DSCAM: variants seen among roughly 807,000 people sequenced by gnomAD.
DSCAM encodes DS cell adhesion molecule.
Under a neutral mutation model 217.7 loss-of-function variants are expected in DSCAM, and 47 were observed. That is an observed-to-expected ratio of 0.22 (90% CI 0.17 to 0.28). The LOEUF is 0.28. Ranked by LOEUF, DSCAM falls within the 10% of genes least tolerant of loss-of-function variation. The probability of loss-of-function intolerance (pLI) is 1.00; values close to 1 mark genes in which losing one functional copy is unlikely to be tolerated. For missense variants in DSCAM, 2,080 were observed against 2,618.3 expected, an observed-to-expected ratio of 0.79 and a Z score of 4.49; for synonymous variants, 1,056 against 1,015.3, an observed-to-expected ratio of 1.04 and a Z score of -0.76.
At chr21:40,584,472 T>C (rs1256984944) in intron 3 of DSCAM, among the ~76,000 whole-genome samples, 1 of 152,108 alleles carries the variant, frequency 6.6e-6, no homozygotes, top group South Asian at 2.1e-4. Flanking sequence ...AGAAAAAGCA[T>C]AGAAATCAGG....
At chr21:40,758,451 A>C (rs909160952) in intron 1 of DSCAM, among the ~76,000 whole-genome samples, 1 of 141,684 alleles carries the variant, frequency 7.1e-6, no homozygotes, top group Non-Finnish European at 1.5e-5. Context: ...CGGGAGACGG[A>C]GCTTGCAGTG....
intron 8 of DSCAM, among the ~76,000 whole-genome samples, chr21:40,330,852 A>G (rs576936051): frequency 6.6e-6 from 1 of 152,362 alleles, no homozygotes; most frequent in African/African-American, 2.4e-5. Flanking sequence ...TAAATAATAA[A>G]TTAACATAAA....
At chr21:40,234,641 C>G (rs1261716331) in intron 11 of DSCAM, among the ~76,000 whole-genome samples, 2 of 152,154 alleles carry the variant, frequency 1.3e-5, no homozygotes, top group African/African-American at 4.8e-5. Context: ...CTATGATGTT[C>G]TTGATCCAGT....
intron 3 of DSCAM, among the ~76,000 whole-genome samples, chr21:40,655,460 T>TTTTTG (rs3988414): frequency 6.7e-6 from 1 of 150,160 alleles, no homozygotes; most frequent in Non-Finnish European, 1.5e-5. Flanking sequence ...TTTTTTTTTT[T>TTTTTG]GAGACAGGGT....
chr21:40,175,148 T>C (rs1284446787), intron 15 of DSCAM, among the ~76,000 whole-genome samples: 3 of 152,188 alleles, frequency 2.0e-5, no homozygotes, highest in Non-Finnish European at 2.9e-5. Context: ...CTCACTCTGT[T>C]GCCCAGGCTG....
At chr21:40,836,480 C>G (rs967134535) in intron 1 of DSCAM, among the ~76,000 whole-genome samples, 1 of 152,120 alleles carries the variant, frequency 6.6e-6, no homozygotes, top group Non-Finnish European at 1.5e-5. Context: ...GTTACTAAAC[C>G]CCAGCACCAA....
chr21:40,795,993 T>C (rs1468436213), intron 1 of DSCAM, among the ~76,000 whole-genome samples: 1 of 152,248 alleles, frequency 6.6e-6, no homozygotes, highest in African/African-American at 2.4e-5. Flanking sequence ...CAGGCATTTA[T>C]TGAGCTTCTC....
intron 14 of DSCAM, among the ~76,000 whole-genome samples, chr21:40,181,313 C>A (rs931918579): frequency 6.6e-6 from 1 of 152,126 alleles, no homozygotes; most frequent in Non-Finnish European, 1.5e-5. Context: ...AATCTGTGGG[C>A]ACATTGGAAA....
chr21:40,362,357 T>C (rs2074777134), intron 4 of DSCAM, among the ~76,000 whole-genome samples: 1 of 152,230 alleles, frequency 6.6e-6, no homozygotes, highest in African/African-American at 2.4e-5. Flanking sequence ...TTTAACTTGT[T>C]CCGTTATTGC....
chr21:40,810,534 A>G (rs958599989), intron 1 of DSCAM, among the ~76,000 whole-genome samples: 4 of 152,184 alleles, frequency 2.6e-5, no homozygotes, highest in Non-Finnish European at 5.9e-5. Context: ...TCCTGGCCCC[A>G]TCACTAATTA....
At position 40,230,008 on chromosome 21, in the gene DSCAM, G is replaced by T. The variant is rs556922697; in HGVS notation, c.2357-40770C>A. On this transcript the variant is annotated intron_variant, in intron 11 of 32. Transcript: ENST00000400454. ...TCCTTGTCAGCAATTGATACTATCAGATCTTTGGATTTTAACTATTCTAAT... is the reference window on the plus strand; with the variant it reads ...TCCTTGTCAGCAATTGATACTATCATATCTTTGGATTTTAACTATTCTAAT... Among the ~76,000 whole-genome samples the T allele has an allele frequency of 1.3e-5, 2 of 152,286 alleles. 1 individual carries two copies. The highest frequency in any genetic ancestry group is 4.1e-4 in the South Asian group (2 of 4,820).
chr21:40,603,319 A>C (rs1226264818), intron 3 of DSCAM, among the ~76,000 whole-genome samples: 1 of 152,196 alleles, frequency 6.6e-6, no homozygotes, highest in East Asian at 1.9e-4. Context: ...GAAGTATTCT[A>C]TGAATGTAAA....
At chr21:40,679,049 T>A (rs572763849) in intron 3 of DSCAM, among the ~76,000 whole-genome samples, 1 of 152,316 alleles carries the variant, frequency 6.6e-6, no homozygotes, top group African/African-American at 2.4e-5. Flanking sequence ...CAGAACGGCA[T>A]CACGTAGGAG....
intron 1 of DSCAM, among the ~76,000 whole-genome samples, chr21:40,801,344 A>G (rs1350419063): frequency 1.3e-5 from 2 of 152,240 alleles, no homozygotes; most frequent in Non-Finnish European, 2.9e-5. Context: ...GAAAGATTTG[A>G]AAAGCTCTCA....
chr21:40,087,991 T>C (rs2089554288), intron 21 of DSCAM, among the ~76,000 whole-genome samples: 1 of 152,162 alleles, frequency 6.6e-6, no homozygotes, highest in African/African-American at 2.4e-5. Flanking sequence ...GAGGTTCTAG[T>C]GCTACCTCCA....
intron 3 of DSCAM, among the ~76,000 whole-genome samples, chr21:40,533,479 GTCCA>G (rs199810460): frequency 0.057 from 8,440 of 147,344 alleles, 387 homozygotes; most frequent in East Asian, 0.21. Flanking sequence ...CCATCCGTCC[GTCCA>G]TCCATCCATC....
chr21:40,490,240 G>A (rs961456289), intron 3 of DSCAM, among the ~76,000 whole-genome samples: 3 of 152,122 alleles, frequency 2.0e-5, no homozygotes, highest in African/African-American at 7.2e-5. Context: ...GGGAATTATG[G>A]GAGATAAAAT....
chr21:40,640,554 G>A (rs1332876874), intron 3 of DSCAM, among the ~76,000 whole-genome samples: 16 of 152,178 alleles, frequency 1.1e-4, no homozygotes, highest in Admixed American at 1.0e-3. Context: ...AGCTATTAAG[G>A]AAGGCGGTTT....
At chr21:40,574,765 T>C (rs1265111274) in intron 3 of DSCAM, among the ~76,000 whole-genome samples, 2 of 148,602 alleles carry the variant, frequency 1.3e-5, no homozygotes, top group African/African-American at 2.5e-5. Context: ...CTGGGTGCAA[T>C]GGCAGGGTCT....
Sources: allele counts gnomAD v4.1 joint callset (sites outside exome capture counted in the v4.1 genomes callset), GRCh38; gene constraint gnomAD v4.1.1; transcripts MANE v1.5; gene names NCBI Gene and HGNC (gene_info 2026-07-23, HGNC 2026-07-21).